Variants in CALN1 observed in about 807,000 individuals in gnomAD.
CALN1 encodes the protein calneuron 1.
A neutral mutation model predicts 30.6 loss-of-function variants in CALN1; 17 were observed. The observed-to-expected ratio is 0.56, with a 90% CI of 0.38 to 0.83. The LOEUF is 0.83. CALN1 is among the 40% of genes least tolerant of loss of function. The pLI is 0.00. For synonymous variants in CALN1, 156 were observed against 131.4 expected, an observed-to-expected ratio of 1.19 and a Z score of -1.28; for missense variants, 291 against 354.9, an observed-to-expected ratio of 0.82 and a Z score of 1.45.
At chr7:72,225,292 C>G (rs1740857646) in intron 3 of CALN1, among the ~76,000 whole-genome samples, 1 of 151,984 alleles carries the variant, frequency 6.6e-6, no homozygotes, top group Admixed American at 6.6e-5. Context: ...GCAGGACACA[C>G]CTTAGCAGGG....
At chr7:72,318,741 AG>A (rs1800664726) in intron 2 of CALN1, among the ~76,000 whole-genome samples, 1 of 100,666 alleles carries the variant, frequency 9.9e-6, no homozygotes, top group Non-Finnish European at 1.8e-5. Context: ...TTGTAGAGAC[AG>A]GGTCTCGCTA....
chr7:72,500,269 CTTTTTTTT>C, the CALN1 span, among the ~76,000 whole-genome samples: 15 of 51,396 alleles, frequency 2.9e-4, no homozygotes, highest in East Asian at 1.7e-3. Context: ...TTCGTTCCTT[CTTTTTTTT>C]TTTTTTTTTT....
chr7:72,385,951 T>C (rs990224178), intron 2 of CALN1, among the ~76,000 whole-genome samples: 3 of 152,204 alleles, frequency 2.0e-5, no homozygotes, highest in Non-Finnish European at 4.4e-5. Context: ...TAAAAACAAC[T>C]AATACAAATT....
intron 5 of CALN1, among the ~76,000 whole-genome samples, chr7:71,918,239 C>A (rs1794777230): frequency 6.6e-6 from 1 of 152,172 alleles, no homozygotes; most frequent in African/African-American, 2.4e-5. Context: ...TTCATGAGGA[C>A]CTGAGAACAA....
At chr7:71,922,762 C>A (rs185698254) in intron 5 of CALN1, among the ~76,000 whole-genome samples, 56 of 110,274 alleles carry the variant, frequency 5.1e-4, no homozygotes, top group South Asian at 3.4e-3. Flanking sequence ...TATAACATAC[C>A]GAATATATTA....
chr7:72,018,887 AGT>A (rs781512950), intron 5 of CALN1, among the ~76,000 whole-genome samples: 54 of 152,118 alleles, frequency 3.5e-4, no homozygotes, highest in Non-Finnish European at 1.0e-4. Context: ...CCCAGGCTGG[AGT>A]GCAGTGGCTC....
At position 72,347,609 on chromosome 7, in the gene CALN1, A is replaced by G. The variant is rs570619732; in HGVS notation, c.119+55642T>C. 7.9e-5 allele frequency among the ~76,000 whole-genome samples: 12 copies of G among 152,208 alleles called. No individual in the cohort carries two copies. In the South Asian group the frequency reaches 2.5e-3, roughly 32 times the overall value. Reference sequence around the variant, plus strand: ...CAGCCAGGCCCCCTCTCCTTCACACACACATACACCTTTCAAAGAACAATT... The same window carrying G: ...CAGCCAGGCCCCCTCTCCTTCACACGCACATACACCTTTCAAAGAACAATT... On this transcript the variant is annotated intron_variant, in intron 2 of 6. Transcript: ENST00000395275.
chr7:71,839,875 C>T (rs564205518), intron 5 of CALN1, among the ~76,000 whole-genome samples: 2 of 152,310 alleles, frequency 1.3e-5, no homozygotes, highest in African/African-American at 4.8e-5. Context: ...AAAAAAGTCA[C>T]ATGCCCACCC....
Position 72,023,640 on chromosome 7 carries a change from A to G in CALN1, c.501+17T>C. Reference sequence around the variant, plus strand: ...TTTACTGTCAAACTTAGTCTGAAAAAAAATATTCTTACTCACCTGCCAGAA... The same window carrying G: ...TTTACTGTCAAACTTAGTCTGAAAAGAAATATTCTTACTCACCTGCCAGAA... On this transcript the variant is annotated intron_variant, in intron 5 of 6. Coordinates refer to ENST00000395275, the MANE Select transcript of CALN1 (RefSeq NM_031468.4). 1 of 1,602,642 alleles carries G rather than the reference A, an allele frequency of 6.2e-7. No individual in the cohort carries two copies. The highest frequency in any genetic ancestry group is 1.3e-5 in the African/African-American group (1 of 74,716).
intron 4 of CALN1, among the ~76,000 whole-genome samples, chr7:72,045,802 C>G (rs1802427544): frequency 6.6e-6 from 1 of 151,928 alleles, no homozygotes; most frequent in African/African-American, 2.4e-5. Context: ...GAGTTTGATA[C>G]CAGCCTGGCC....
intron 3 of CALN1, among the ~76,000 whole-genome samples, chr7:72,129,869 CT>C (rs1809018747): frequency 6.6e-6 from 1 of 152,198 alleles, no homozygotes; most frequent in African/African-American, 2.4e-5. Context: ...CATGATTTGT[CT>C]CCTCCAAACC....
At chr7:72,387,113 T>C (rs1805253105) in intron 2 of CALN1, among the ~76,000 whole-genome samples, 1 of 149,540 alleles carries the variant, frequency 6.7e-6, no homozygotes, top group South Asian at 2.1e-4. Flanking sequence ...GAAAAAAATT[T>C]GTACTGGATC....
chr7:72,406,726 C>A (rs763386048), intron 1 of CALN1, among the ~76,000 whole-genome samples: 12 of 151,968 alleles, frequency 7.9e-5, no homozygotes, highest in Non-Finnish European at 1.6e-4. Context: ...AAGCCATTCT[C>A]CTGCCTCAGC....
chr7:72,111,341 C>T (rs1807562559), intron 3 of CALN1, among the ~76,000 whole-genome samples: 1 of 152,196 alleles, frequency 6.6e-6, no homozygotes, highest in South Asian at 2.1e-4. Context: ...GTTGGCGTTC[C>T]CACAGGGATC....
intron 5 of CALN1, among the ~76,000 whole-genome samples, chr7:71,943,105 C>T (rs1211182149): frequency 6.7e-6 from 1 of 149,914 alleles, no homozygotes; most frequent in Non-Finnish European, 1.5e-5. Flanking sequence ...CCAACCACCT[C>T]GGGCACATGT....
intron 2 of CALN1, among the ~76,000 whole-genome samples, chr7:72,370,601 G>A (rs1370451760): frequency 1.3e-5 from 2 of 150,724 alleles, no homozygotes; most frequent in Non-Finnish European, 2.9e-5. Flanking sequence ...TTAGAAGGGT[G>A]AGCCGAGATC....
intron 5 of CALN1, among the ~76,000 whole-genome samples, chr7:72,011,819 GT>G (rs992032169): frequency 1.3e-5 from 2 of 151,676 alleles, no homozygotes; most frequent in East Asian, 3.9e-4. Context: ...TAATTTTTAG[GT>G]TTTTTTTGTA....
intron 5 of CALN1, among the ~76,000 whole-genome samples, chr7:71,853,129 T>G (rs920330685): frequency 1.3e-5 from 2 of 151,906 alleles, no homozygotes; most frequent in Non-Finnish European, 2.9e-5. Context: ...CAGGCTGGAG[T>G]GCAGTGGTGC....
intron 5 of CALN1, among the ~76,000 whole-genome samples, chr7:71,993,959 T>C (rs1799101705): frequency 6.6e-6 from 1 of 152,148 alleles, no homozygotes; most frequent in Non-Finnish European, 1.5e-5. Flanking sequence ...ATTATACGAC[T>C]GAAATTTAAA....
Sources: gnomAD v4.1 joint callset for allele counts (sites outside exome capture counted in the v4.1 genomes callset) on GRCh38, gnomAD v4.1.1 for gene constraint, MANE v1.5 for transcripts, NCBI Gene and HGNC (gene_info 2026-07-23, HGNC 2026-07-21) for gene names.